Variants in IL1R1 observed in about 807,000 individuals in gnomAD.
The protein encoded by IL1R1 is interleukin-1 receptor type 1.
In IL1R1, 22 loss-of-function variants were observed where a neutral mutation model predicts 50.2. That is an observed-to-expected ratio of 0.44 (90% CI 0.31 to 0.63). The LOEUF (loss-of-function observed/expected upper bound fraction) is 0.63, where lower values mean the gene tolerates loss of function less well. Among genes scored for constraint, IL1R1 ranks in the 20% least tolerant of loss-of-function variants. The pLI is 0.07. For missense variants in IL1R1, 509 were observed against 676.2 expected (o/e 0.75, Z 2.74); for synonymous variants, 251 against 236.7 (o/e 1.06, Z -0.55).
chr2:102,144,325 GCACCCGTC>G (rs1682928105), intron 1 of IL1R1, among the ~76,000 whole-genome samples: 1 of 152,182 alleles, frequency 6.6e-6, no homozygotes, highest in African/African-American at 2.4e-5. Context: ...AGCGTCTCCT[GCACCCGTC>G]CACTCTCATG....
intron 1 of IL1R1, among the ~76,000 whole-genome samples, chr2:102,137,306 C>G (rs1483140362): frequency 6.6e-6 from 1 of 152,110 alleles, no homozygotes; most frequent in African/African-American, 2.4e-5. Context: ...CTTGATGACT[C>G]AAAACAACAG....
At chr2:102,165,585 G>A (rs188065551) in intron 5 of IL1R1, among the ~76,000 whole-genome samples, 2 of 152,256 alleles carry the variant, frequency 1.3e-5, no homozygotes, top group East Asian at 3.9e-4. Context: ...TAAGCTTAAG[G>A]TATTGAAGAT....
intron 1 of IL1R1, among the ~76,000 whole-genome samples, chr2:102,152,146 A>T (rs1178435466): frequency 4.6e-5 from 7 of 152,006 alleles, no homozygotes; most frequent in African/African-American, 1.7e-4. Flanking sequence ...AGTGGTGGAG[A>T]CAGTAAGTAT....
chr2:102,154,403 C>T (rs1683973911), intron 2 of IL1R1, among the ~76,000 whole-genome samples: 1 of 152,206 alleles, frequency 6.6e-6, no homozygotes, highest in Non-Finnish European at 1.5e-5. Flanking sequence ...GTACTGCTCA[C>T]CTCGTTCCAA....
At chr2:102,104,209 T>C (rs2104344402), upstream of IL1R1, among the ~76,000 whole-genome samples, 1 of 152,114 alleles carries the variant, frequency 6.6e-6, no homozygotes, top group Admixed American at 6.5e-5. Flanking sequence ...GGCCAGCATC[T>C]GGGACACGAG....
chr2:102,161,427 C>T (rs1352554038), intron 3 of IL1R1, among the ~76,000 whole-genome samples: 1 of 152,176 alleles, frequency 6.6e-6, no homozygotes, highest in Non-Finnish European at 1.5e-5. Context: ...TTGGAATTTT[C>T]TGCAAATATC....
At chr2:102,175,724 G>C in intron 11 of IL1R1, 79 bp downstream of exon 11, 1 of 1,359,142 alleles carries the variant, frequency 7.4e-7, no homozygotes, top group Non-Finnish European at 1.1e-6. Context: ...CTTTCTAGAA[G>C]ATCGTGGCAT....
chr2:102,094,490 C>G (rs1289509304), intron 1 of IL1R1, among the ~76,000 whole-genome samples: 1 of 152,154 alleles, frequency 6.6e-6, no homozygotes, highest in Non-Finnish European at 1.5e-5. Flanking sequence ...TTCTTGCTAA[C>G]AGTACAAATT....
chr2:102,154,531 G>A (rs1261935017), intron 2 of IL1R1, among the ~76,000 whole-genome samples: 3 of 151,970 alleles, frequency 2.0e-5, no homozygotes, highest in Non-Finnish European at 2.9e-5. Flanking sequence ...CGACCTCAGC[G>A]AGTCTGGCCC....
intron 1 of IL1R1, among the ~76,000 whole-genome samples, chr2:102,148,969 C>G (rs1041566382): frequency 6.6e-6 from 1 of 151,654 alleles, no homozygotes; most frequent in African/African-American, 2.4e-5. Context: ...AACAAACAAA[C>G]AAACAAACAA....
intron 1 of IL1R1, among the ~76,000 whole-genome samples, chr2:102,122,492 G>A (rs1681457705): frequency 1.3e-5 from 2 of 152,136 alleles, no homozygotes; most frequent in Admixed American, 1.3e-4. Context: ...AATAGCAACT[G>A]AATCTAAAAA....
intron 1 of IL1R1, among the ~76,000 whole-genome samples, chr2:102,133,630 A>T (rs1682168758): frequency 6.6e-6 from 1 of 152,274 alleles, no homozygotes; most frequent in African/African-American, 2.4e-5. Context: ...AATGTAATTC[A>T]CTATATTAGT....
chr2:102,108,159 G>A (rs866356140), intron 1 of IL1R1, among the ~76,000 whole-genome samples: 14 of 151,926 alleles, frequency 9.2e-5, no homozygotes, highest in African/African-American at 2.9e-4. Flanking sequence ...ATAGTTTCTG[G>A]AGAGCTGCAT....
At chr2:102,097,504 T>C (rs2104328341) in intron 1 of IL1R1, among the ~76,000 whole-genome samples, 1 of 152,128 alleles carries the variant, frequency 6.6e-6, no homozygotes, top group Non-Finnish European at 1.5e-5. Context: ...AAGTCCCTCA[T>C]CTAGAAATAT....
chr2:102,080,502 C>T (rs958721325), intron 1 of IL1R1, among the ~76,000 whole-genome samples: 14 of 152,042 alleles, frequency 9.2e-5, no homozygotes, highest in African/African-American at 1.9e-4. Flanking sequence ...CATTAGCAAA[C>T]GCAAAGCAAA....
chr2:102,149,740 A>G (rs1577966180), intron 1 of IL1R1, among the ~76,000 whole-genome samples: 1 of 152,060 alleles, frequency 6.6e-6, no homozygotes, highest in Non-Finnish European at 1.5e-5. Flanking sequence ...GGACTTCGAC[A>G]CCTACCTGTG....
chr2:102,078,087 A>G (rs1044982636), intron 1 of IL1R1, among the ~76,000 whole-genome samples: 1 of 152,192 alleles, frequency 6.6e-6, no homozygotes, highest in Non-Finnish European at 1.5e-5. Flanking sequence ...TAGAGAAAAA[A>G]TTAAAGAAAT....
chr2:102,072,492 C>G (rs995786506), intron 1 of IL1R1, among the ~76,000 whole-genome samples: 1 of 152,190 alleles, frequency 6.6e-6, no homozygotes, highest in Non-Finnish European at 1.5e-5. Context: ...CGTTTAGTCT[C>G]TACCAAAACA....
At chr2:102,126,675 T>C (rs1681727919) in intron 1 of IL1R1, among the ~76,000 whole-genome samples, 7 of 152,110 alleles carry the variant, frequency 4.6e-5, no homozygotes, top group Admixed American at 4.6e-4. Context: ...CCCCAACTTC[T>C]GCCTGGTAGA....
Sources: allele counts gnomAD v4.1 joint callset (sites outside exome capture counted in the v4.1 genomes callset), GRCh38; gene constraint gnomAD v4.1.1; transcripts MANE v1.5; gene names NCBI Gene and HGNC (gene_info 2026-07-23, HGNC 2026-07-21).